LAMB4: variants seen among roughly 807,000 people sequenced by gnomAD.
The protein encoded by LAMB4 is laminin subunit beta-4.
Under a neutral mutation model 199.2 loss-of-function variants are expected in LAMB4, and 196 were observed. That is an observed-to-expected ratio of 0.98 (90% CI 0.88 to 1.11). LAMB4 has a LOEUF of 1.11. LAMB4 is among the 50% of genes least tolerant of loss of function. The probability of loss-of-function intolerance (pLI) is 0.00; values close to 1 mark genes in which losing one functional copy is unlikely to be tolerated. For synonymous variants in LAMB4, 744 were observed against 770.6 expected (o/e 0.97, Z 0.57); for missense variants, 2,080 against 2,171.2 (o/e 0.96, Z 0.83).
At chr7:108,121,998 G>A (rs2038616793) in intron 2 of LAMB4, among the ~76,000 whole-genome samples, 1 of 152,180 alleles carries the variant, frequency 6.6e-6, no homozygotes, top group African/African-American at 2.4e-5. Flanking sequence ...AACTCAAGAG[G>A]TTTGGTTAAG....
chr7:108,042,618 C>T (rs962923601), intron 29 of LAMB4, among the ~76,000 whole-genome samples: 7 of 152,220 alleles, frequency 4.6e-5, no homozygotes, highest in Middle Eastern at 3.4e-3. Flanking sequence ...CTACCCCATT[C>T]GTTTTTACTG....
At chr7:108,025,783 A>G (rs753110960) in intron 33 of LAMB4, among the ~76,000 whole-genome samples, 44 of 152,194 alleles carry the variant, frequency 2.9e-4, no homozygotes, top group Non-Finnish European at 4.4e-4. Context: ...CATTGAAACC[A>G]TATTTGGACT....
At chr7:108,111,465 A>T (rs762167032) in intron 4 of LAMB4, among the ~76,000 whole-genome samples, 1 of 152,240 alleles carries the variant, frequency 6.6e-6, no homozygotes, top group Non-Finnish European at 1.5e-5. Context: ...TTCAGTTTAC[A>T]TCAGTGTTTT....
intron 5 of LAMB4, among the ~76,000 whole-genome samples, chr7:108,108,707 G>A (rs1440497270): frequency 1.3e-5 from 2 of 151,512 alleles, no homozygotes; most frequent in Non-Finnish European, 2.9e-5. Flanking sequence ...ACCAAAACGA[G>A]CATAAAGTCT....
chr7:108,028,917 T>G (rs1037146782), intron 33 of LAMB4, 126 bp downstream of exon 33: 15 of 860,974 alleles, frequency 1.7e-5, no homozygotes, highest in Non-Finnish European at 2.6e-5. Flanking sequence ...GACCAATTTC[T>G]ACTTCTCTCT....
intron 11 of LAMB4, among the ~76,000 whole-genome samples, chr7:108,096,488 T>A (rs2037602261): frequency 6.6e-6 from 1 of 152,228 alleles, no homozygotes; most frequent in African/African-American, 2.4e-5. Flanking sequence ...AAAGCTCTGC[T>A]TTCAATTATT....
intron 33 of LAMB4, among the ~76,000 whole-genome samples, chr7:108,025,594 A>G (rs2034812328): frequency 1.3e-5 from 2 of 151,676 alleles, no homozygotes; most frequent in South Asian, 4.2e-4. Flanking sequence ...ATGTCTGGCT[A>G]ATTTTGTACT....
At chr7:108,071,195 G>T (rs762709484) in intron 17 of LAMB4, among the ~76,000 whole-genome samples, 29 of 152,034 alleles carry the variant, frequency 1.9e-4, no homozygotes, top group Non-Finnish European at 3.7e-4. Flanking sequence ...CCCTGTCTCT[G>T]CCCTTTGACT....
intron 17 of LAMB4, among the ~76,000 whole-genome samples, chr7:108,073,614 G>A (rs1385721569): frequency 6.6e-6 from 1 of 152,226 alleles, no homozygotes; most frequent in African/African-American, 2.4e-5. Context: ...GGTATCAGAT[G>A]CAAATGTTAA....
At chr7:108,123,230 A>T in intron 1 of LAMB4, 33 bp from the exon 2 acceptor site, 1 of 1,304,842 alleles carries the variant, frequency 7.7e-7, no homozygotes. Flanking sequence ...TCAATCACTG[A>T]TAGAAGAAAT....
intron 14 of LAMB4, among the ~76,000 whole-genome samples, chr7:108,088,189 G>T (rs437336): frequency 0.41 from 60,977 of 150,542 alleles, 12,618 homozygotes; most frequent in East Asian, 0.58. Context: ...TTGGGAGAGA[G>T]TCTCCCTCTG....
intron 14 of LAMB4, among the ~76,000 whole-genome samples, chr7:108,081,939 A>G (rs1444802436): frequency 6.6e-6 from 1 of 152,216 alleles, no homozygotes; most frequent in Admixed American, 6.5e-5. Context: ...TGTGAAAATC[A>G]GAGGGCCTCC....
rs369971528 is a variant in LAMB4, at chr7:108,123,170, T to C, written c.-6A>G. On this transcript the variant is annotated 5_prime_UTR_variant, in exon 2 of 34. Coordinates refer to ENST00000388781, the MANE Select transcript of LAMB4 (RefSeq NM_007356.3). ...AGGGTCAGTTGAAATTGCATTCTTT[T>C]GTCAGGAGATGATTAAATTCAATTC... 4.4e-6 allele frequency: 7 copies of C among 1,608,634 alleles called. No homozygotes were observed. Among genetic ancestry groups the C allele is most frequent in the Non-Finnish European group, 5.9e-6 (7 of 1,177,980 alleles).
intron 20 of LAMB4, 80 bp from the exon 21 acceptor site, chr7:108,065,999 A>G (rs1229774761): frequency 7.4e-7 from 1 of 1,353,426 alleles, no homozygotes; most frequent in Admixed American, 2.0e-5. Context: ...CTATGCTTTA[A>G]AACAGTGCAC....
At chr7:108,068,652 G>T (rs946368466) in intron 18 of LAMB4, among the ~76,000 whole-genome samples, 36 of 152,208 alleles carry the variant, frequency 2.4e-4, no homozygotes, top group African/African-American at 8.4e-4. Context: ...AGGGCTACAG[G>T]TGTCTGCCAC....
intron 33 of LAMB4, among the ~76,000 whole-genome samples, chr7:108,028,037 G>A (rs2034897556): frequency 6.6e-6 from 1 of 152,170 alleles, no homozygotes; most frequent in Admixed American, 6.5e-5. Flanking sequence ...ATCTGCCTCA[G>A]CCTCCCAAAG....
chr7:108,092,326 A>G lies in LAMB4; in HGVS notation c.1550+11T>C. 6.2e-7 allele frequency: 1 copy of G among 1,602,788 alleles called. No individual in the cohort carries two copies. The highest frequency in any genetic ancestry group is 8.5e-7 in the Non-Finnish European group (1 of 1,169,778). On this transcript the variant is annotated intron_variant, in intron 13 of 33. Coordinates refer to ENST00000388781, the MANE Select transcript of LAMB4 (RefSeq NM_007356.3). ...AATAAGGAATATTGCTATAAAACTT[A>G]TTTGACTTACACGTTAGAATAAGCA...
chr7:108,058,033 T>A, intron 23 of LAMB4, 105 bp from the exon 24 acceptor site: 1 of 754,446 alleles, frequency 1.3e-6, no homozygotes, highest in Non-Finnish European at 2.3e-6. Context: ...AACATACAGC[T>A]GTGCAAAGGC....
At chr7:108,079,247 A>G (rs1465793773) in intron 15 of LAMB4, among the ~76,000 whole-genome samples, 1 of 152,180 alleles carries the variant, frequency 6.6e-6, no homozygotes, top group Non-Finnish European at 1.5e-5. Context: ...GTGAGTCTGA[A>G]TGTCTGCACA....
Sources: gnomAD v4.1 joint callset for allele counts (sites outside exome capture counted in the v4.1 genomes callset) on GRCh38, gnomAD v4.1.1 for gene constraint, MANE v1.5 for transcripts, NCBI Gene and HGNC (gene_info 2026-07-23, HGNC 2026-07-21) for gene names.